OTUD7A: variants seen among roughly 807,000 people sequenced by gnomAD.
The protein encoded by OTUD7A is OTU deubiquitinase 7A.
OTUD7A carries 12 observed loss-of-function variants against 65.7 expected under a neutral mutation model. That is an observed-to-expected ratio of 0.18 (90% CI 0.12 to 0.30). The LOEUF is 0.30. Ranked by LOEUF, OTUD7A falls within the 10% of genes least tolerant of loss-of-function variation. The pLI is 1.00. For synonymous variants in OTUD7A, 641 were observed against 586.3 expected (o/e 1.09, Z -1.35); for missense variants, 1,148 against 1,304.8 (o/e 0.88, Z 1.85).
intron 1 of OTUD7A, among the ~76,000 whole-genome samples, chr15:31,862,913 G>A (rs1421099901): frequency 6.6e-6 from 1 of 152,238 alleles, no homozygotes; most frequent in Admixed American, 6.5e-5. Flanking sequence ...CTATGAGCCT[G>A]TAAAATCAAA....
chr15:31,612,350 T>A (rs550212390), intron 3 of OTUD7A, among the ~76,000 whole-genome samples: 1 of 152,240 alleles, frequency 6.6e-6, no homozygotes, highest in African/African-American at 2.4e-5. Flanking sequence ...GATGAGGAAG[T>A]CAAACTGTCA....
rs368328868 is a variant in OTUD7A, at chr15:31,765,872, T to G, written c.-100+104635A>C. 908 of 1,283,426 alleles carry G rather than the reference T, an allele frequency of 7.1e-4. 15 individuals carry two copies. The South Asian group carries it at 0.011, about 15-fold the overall frequency. The allele number at this position is 1,283,426 out of a possible 1,614,324, so 79.5% of individuals were successfully genotyped here. On this transcript the variant is annotated intron_variant, in intron 1 of 12. Transcript: ENST00000307050. Reference sequence around the variant, plus strand: ...ATCTTTTCTGATATATCAAAGGATATTCCTTCTGAAACTATTTTAGTTTTT... The same window carrying G: ...ATCTTTTCTGATATATCAAAGGATAGTCCTTCTGAAACTATTTTAGTTTTT...
intron 1 of OTUD7A, among the ~76,000 whole-genome samples, chr15:31,751,694 A>C (rs1017317102): frequency 6.6e-6 from 1 of 152,230 alleles, no homozygotes; most frequent in African/African-American, 2.4e-5. Flanking sequence ...CTGAAAAAAG[A>C]AAATGTGTTT....
chr15:31,504,600 C>G (rs927409367), intron 8 of OTUD7A, among the ~76,000 whole-genome samples: 1 of 152,212 alleles, frequency 6.6e-6, no homozygotes, highest in Non-Finnish European at 1.5e-5. Context: ...ACCTGCAGTG[C>G]CTGCCAGCTG....
At chr15:31,486,844 T>A (rs1396080095) in intron 12 of OTUD7A, among the ~76,000 whole-genome samples, 1 of 152,272 alleles carries the variant, frequency 6.6e-6, no homozygotes, top group Non-Finnish European at 1.5e-5. Context: ...TGCCTGTGGC[T>A]TGTTTTCTGA....
chr15:31,483,727 G>C lies in OTUD7A; in HGVS notation c.2369C>G (p.Ala790Gly). Residue 790 changes from alanine (A) to glycine (G), a missense_variant, in exon 13 of 13, where the codon GCG (alanine) becomes GGG (glycine). Transcript: ENST00000307050. ...HVQASGARDEACAPAVGALRP... is the reference protein window; with the variant it reads ...HVQASGARDEGCAPAVGALRP... ...CAGCGCCCCCACGGCCGGCGCGCAC[G>C]CCTCGTCCCGCGCGCCCGACGCCTG... 4.5e-6 allele frequency: 5 copies of C among 1,120,844 alleles called. No individual in the cohort carries two copies. Among genetic ancestry groups the C allele is most frequent in the Non-Finnish European group, 5.4e-6 (5 of 919,334 alleles). 69.4% of individuals were successfully genotyped at this position (1,120,844 alleles called of 1,614,324 possible).
intron 1 of OTUD7A, among the ~76,000 whole-genome samples, chr15:31,860,659 A>G (rs76788684): frequency 9.6e-6 from 1 of 104,006 alleles, no homozygotes; most frequent in Non-Finnish European, 2.0e-5. Flanking sequence ...GTATGTGTGT[A>G]TATATAGATG....
chr15:31,825,001 C>A (rs1220304925), intron 1 of OTUD7A, among the ~76,000 whole-genome samples: 1 of 152,094 alleles, frequency 6.6e-6, no homozygotes, highest in Non-Finnish European at 1.5e-5. Context: ...CACTGAGGGC[C>A]CCATTGTTCC....
chr15:31,550,048 C>T (rs1039225031), intron 5 of OTUD7A, among the ~76,000 whole-genome samples: 1 of 148,582 alleles, frequency 6.7e-6, no homozygotes, highest in East Asian at 2.0e-4. Flanking sequence ...TGCACTGAGC[C>T]GAGATCGTGC....
At chr15:31,640,970 A>T (rs1891497167) in intron 3 of OTUD7A, among the ~76,000 whole-genome samples, 1 of 152,112 alleles carries the variant, frequency 6.6e-6, no homozygotes, top group Non-Finnish European at 1.5e-5. Flanking sequence ...CTGTACTCTT[A>T]TGAGTTTTAA....
At chr15:31,540,919 T>A (rs1006806850) in intron 5 of OTUD7A, among the ~76,000 whole-genome samples, 1 of 152,196 alleles carries the variant, frequency 6.6e-6, no homozygotes, top group Non-Finnish European at 1.5e-5. Flanking sequence ...GGTCAGCTGG[T>A]GCACAATGAG....
intron 1 of OTUD7A, among the ~76,000 whole-genome samples, chr15:31,694,521 G>A (rs1280676038): frequency 2.0e-5 from 3 of 152,058 alleles, no homozygotes; most frequent in Non-Finnish European, 4.4e-5. Flanking sequence ...AGGATACATC[G>A]TTACAATAGT....
intron 1 of OTUD7A, among the ~76,000 whole-genome samples, chr15:31,797,482 A>G (rs1895999331): frequency 6.6e-6 from 1 of 152,154 alleles, no homozygotes; most frequent in Non-Finnish European, 1.5e-5. Context: ...CTTTGCTCTC[A>G]GCACCCTCTC....
At chr15:31,866,145 G>C (rs991476812) in intron 1 of OTUD7A, among the ~76,000 whole-genome samples, 4 of 152,234 alleles carry the variant, frequency 2.6e-5, no homozygotes, top group African/African-American at 9.6e-5. Flanking sequence ...AGATGCTGTA[G>C]AGCAGTAATT....
intron 1 of OTUD7A, among the ~76,000 whole-genome samples, chr15:31,845,295 C>A (rs1240350843): frequency 6.6e-6 from 1 of 152,198 alleles, no homozygotes; most frequent in Non-Finnish European, 1.5e-5. Context: ...ACCTCTCCAT[C>A]TCAAGGGGAG....
chr15:31,483,313 G>C lies in OTUD7A; in HGVS notation c.2783C>G (p.Ala928Gly). ...CGCCGCTCAGGGCCGGGCCCCGCGC[G>C]CCTCGCGCCGCCGCCGCAGCTCCTC... ...YREELRRRRE[A>G]RGARP The change falls in exon 13 of 13, where the codon GCG becomes GGG. Residue 928 changes from alanine to glycine, a missense_variant. Around this residue, in one of 6 missense-constraint regions of OTUD7A, gnomAD observed 842 missense variants for 769.5 expected, o/e 1.09. Transcript: ENST00000307050. 2.5e-6 allele frequency: 3 copies of C among 1,193,640 alleles called. No homozygotes were observed. Among genetic ancestry groups the C allele is most frequent in the Non-Finnish European group, 3.1e-6 (3 of 961,268 alleles). The allele number at this position is 1,193,640 out of a possible 1,614,324, so 73.9% of individuals were successfully genotyped here. A position where few individuals can be genotyped will look rare whatever the true frequency, so the allele number is the denominator to read the frequency against.
chr15:31,536,942 TAAC>T (rs1381560921), intron 5 of OTUD7A, among the ~76,000 whole-genome samples: 1 of 152,174 alleles, frequency 6.6e-6, no homozygotes, highest in Non-Finnish European at 1.5e-5. Context: ...TGATTCTACT[TAAC>T]AAAAATGTAT....
chr15:31,687,106 A>AG (rs1442358252), intron 1 of OTUD7A, among the ~76,000 whole-genome samples: 1 of 23,040 alleles, frequency 4.3e-5, no homozygotes, highest in South Asian at 8.3e-3. Context: ...TGATTTAAAT[A>AG]GAAAAAAAAA....
intron 8 of OTUD7A, among the ~76,000 whole-genome samples, chr15:31,507,364 T>G (rs2041592970): frequency 6.6e-6 from 1 of 151,970 alleles, no homozygotes; most frequent in East Asian, 1.9e-4. Context: ...GTTTTTTTTG[T>G]GTGTGTGTGG....
Sources: allele counts gnomAD v4.1 joint callset (sites outside exome capture counted in the v4.1 genomes callset), GRCh38; gene constraint gnomAD v4.1.1; regional missense constraint gnomAD v4.1.1; transcripts MANE v1.5; gene names NCBI Gene and HGNC (gene_info 2026-07-23, HGNC 2026-07-21).